Variants in DOCK5 observed in about 807,000 individuals in gnomAD.
DOCK5 encodes dedicator of cytokinesis 5, also known as dedicator of cytokinesis protein 5.
A neutral mutation model predicts 251.8 loss-of-function variants in DOCK5; 142 were observed. The ratio of observed to expected loss-of-function variants is 0.56; its 90% CI spans 0.49 to 0.65. DOCK5 has a LOEUF of 0.65. Among genes scored for constraint, DOCK5 ranks in the 30% least tolerant of loss-of-function variants. The probability of loss-of-function intolerance (pLI) is 0.00; values close to 1 mark genes in which losing one functional copy is unlikely to be tolerated. For synonymous variants in DOCK5, 842 were observed against 835.5 expected, an observed-to-expected ratio of 1.01 and a Z score of -0.13; for missense variants, 2,111 against 2,312.3, an observed-to-expected ratio of 0.91 and a Z score of 1.79.
At chr8:25,185,213 G>T (rs2117426588) in intron 1 of DOCK5, among the ~76,000 whole-genome samples, 1 of 152,250 alleles carries the variant, frequency 6.6e-6, no homozygotes, top group African/African-American at 2.4e-5. Flanking sequence ...CCAATCTCCG[G>T]CACTTCACAC....
chr8:25,230,075 A>G (rs1802630599), intron 1 of DOCK5, among the ~76,000 whole-genome samples: 1 of 152,236 alleles, frequency 6.6e-6, no homozygotes, highest in South Asian at 2.1e-4. Flanking sequence ...GGACATAAAC[A>G]GTCTGAGTCC....
Position 25,414,762 on chromosome 8 carries a change from A to T in DOCK5, c.*3464A>T, listed in dbSNP as rs936006282. On this transcript the variant is annotated 3_prime_UTR_variant, in exon 52 of 52. Coordinates refer to ENST00000276440, the MANE Select transcript of DOCK5 (RefSeq NM_024940.8). The stretch of plus-strand genomic sequence containing the variant: ...TGGTGCCATTTTGTGAAAGGTATTT[A>T]TAAGGCCCTTCAAATTTGTGGCTTC... 1 of 152,174 alleles carries T rather than the reference A, an allele frequency of 6.6e-6. No individual in the cohort carries two copies. The highest frequency in any genetic ancestry group is 1.5e-5 in the Non-Finnish European group (1 of 68,050). The allele number at this position is 152,174 out of a possible 1,614,324, so 9.4% of individuals were successfully genotyped here. A position where few individuals can be genotyped will look rare whatever the true frequency, so the allele number is the denominator to read the frequency against.
chr8:25,314,494 G>C (rs992793376), intron 13 of DOCK5, among the ~76,000 whole-genome samples: 11 of 151,894 alleles, frequency 7.2e-5, no homozygotes, highest in Non-Finnish European at 1.5e-4. Flanking sequence ...CTAGGCCTGA[G>C]GCACCTCTCT....
intron 1 of DOCK5, among the ~76,000 whole-genome samples, chr8:25,219,610 C>A (rs1423952345): frequency 6.6e-6 from 1 of 152,176 alleles, no homozygotes; most frequent in Non-Finnish European, 1.5e-5. Flanking sequence ...CTCTATTCCA[C>A]CCTTCCACTT....
chr8:25,292,199 C>G, intron 6 of DOCK5, 27 bp downstream of exon 6: 1 of 1,536,808 alleles, frequency 6.5e-7, no homozygotes, highest in Non-Finnish European at 8.8e-7. Context: ...TGGCTTTTCA[C>G]TGAAAACTTG....
chr8:25,246,700 TAGTTTG>T (rs1221479574), intron 2 of DOCK5, among the ~76,000 whole-genome samples: 11 of 120,916 alleles, frequency 9.1e-5, no homozygotes, highest in African/African-American at 1.3e-4. Flanking sequence ...ACTGCCATGT[TAGTTTG>T]TGTGTGTGTG....
chr8:25,250,268 AAGGAAAG>A (rs1162119063), intron 2 of DOCK5, among the ~76,000 whole-genome samples: 4 of 152,176 alleles, frequency 2.6e-5, no homozygotes, highest in Admixed American at 1.3e-4. Flanking sequence ...TTGCTAAATG[AAGGAAAG>A]AAGCAGAACT....
At chr8:25,337,845 A>G (rs1007769652) in intron 22 of DOCK5, among the ~76,000 whole-genome samples, 9 of 152,072 alleles carry the variant, frequency 5.9e-5, no homozygotes, top group African/African-American at 2.2e-4. Flanking sequence ...TCGGCCTCCG[A>G]AAGTGCTGGA....
chr8:25,356,660 C>A (rs564217094), intron 27 of DOCK5, among the ~76,000 whole-genome samples: 1 of 152,048 alleles, frequency 6.6e-6, no homozygotes, highest in Admixed American at 6.6e-5. Flanking sequence ...GAACGAGACC[C>A]TGTCTCAAAG....
chr8:25,185,909 A>T (rs1167941636), intron 1 of DOCK5, among the ~76,000 whole-genome samples: 3 of 152,282 alleles, frequency 2.0e-5, no homozygotes, highest in Admixed American at 2.0e-4. Context: ...GGTGATTACA[A>T]TGGCAGTTAG....
intron 1 of DOCK5, among the ~76,000 whole-genome samples, chr8:25,206,809 C>T (rs1346209662): frequency 2.0e-5 from 3 of 152,150 alleles, no homozygotes; most frequent in African/African-American, 7.2e-5. Flanking sequence ...TATGTTTTGC[C>T]ACAGGGGCAA....
At chr8:25,318,502 C>T (rs1338143221) in intron 14 of DOCK5, among the ~76,000 whole-genome samples, 1 of 126,036 alleles carries the variant, frequency 7.9e-6, no homozygotes, top group Admixed American at 8.6e-5. Flanking sequence ...CTTTTCCTCT[C>T]CTCCCCCACT....
intron 3 of DOCK5, among the ~76,000 whole-genome samples, chr8:25,274,467 C>G (rs1474275386): frequency 3.3e-5 from 5 of 152,234 alleles, no homozygotes; most frequent in African/African-American, 4.8e-5. Context: ...GTACACATAA[C>G]ACTCACATCT....
chr8:25,316,899 A>AGT (rs1805265850), intron 13 of DOCK5, 108 bp from the exon 14 acceptor site: 3 of 1,413,930 alleles, frequency 2.1e-6, no homozygotes, highest in Non-Finnish European at 2.9e-6. Flanking sequence ...GTAGTTCAGT[A>AGT]TAAAACCAGA....
chr8:25,395,856 A>G (rs550212136), intron 45 of DOCK5, 137 bp downstream of exon 45: 2 of 1,073,152 alleles, frequency 1.9e-6, no homozygotes, highest in African/African-American at 3.1e-5. Flanking sequence ...TGGCAAGTGA[A>G]GTGAATGAAA....
chr8:25,258,986 G>A (rs1056343813), intron 2 of DOCK5, among the ~76,000 whole-genome samples: 1 of 152,248 alleles, frequency 6.6e-6, no homozygotes, highest in Admixed American at 6.5e-5. Flanking sequence ...GGGCTTGGTG[G>A]TGCATGCCTG....
At chr8:25,289,856 G>A (rs762163363) in intron 5 of DOCK5, among the ~76,000 whole-genome samples, 4 of 152,002 alleles carry the variant, frequency 2.6e-5, no homozygotes, top group Non-Finnish European at 5.9e-5. Flanking sequence ...AAAAAAGAAA[G>A]AAGGAAATAG....
intron 5 of DOCK5, among the ~76,000 whole-genome samples, chr8:25,284,342 T>C (rs1046172685): frequency 1.3e-5 from 2 of 152,204 alleles, no homozygotes; most frequent in African/African-American, 4.8e-5. Flanking sequence ...TAGAAAGAGC[T>C]GATTGATAAT....
At chr8:25,316,864 C>A in intron 13 of DOCK5, 143 bp from the exon 14 acceptor site, 2 of 962,874 alleles carry the variant, frequency 2.1e-6, no homozygotes, top group Non-Finnish European at 3.0e-6. Flanking sequence ...ACAGCAAACG[C>A]ATATGAAAGC....
Sources: gnomAD v4.1 joint callset for allele counts (sites outside exome capture counted in the v4.1 genomes callset) on GRCh38, gnomAD v4.1.1 for gene constraint, MANE v1.5 for transcripts, NCBI Gene and HGNC (gene_info 2026-07-23, HGNC 2026-07-21) for gene names.